The following ARL17A variants were observed in gnomAD, a reference collection of about 807,000 sequenced individuals.
ARL17A encodes the protein ARF like GTPase 17A, also known as ADP-ribosylation factor-like 17-like.
At chr17:46,550,682 T>C (rs1377621684), downstream of ARL17A, 11 of 715,840 alleles carry the variant, frequency 1.5e-5, 1 homozygote, top group African/African-American at 2.2e-4. Context: ...TTTACTGCAG[T>C]GTATATTTCA....
downstream of ARL17A, among the ~76,000 whole-genome samples, chr17:46,528,468 T>G (rs2053103658): frequency 2.2e-5 from 1 of 45,158 alleles, no homozygotes; most frequent in Admixed American, 2.3e-4. Context: ...TGCTGTAATC[T>G]CAGCACTTTG....
At chr17:46,575,087 A>G (rs1003825666) in intron 2 of ARL17A, among the ~76,000 whole-genome samples, 1 of 82,882 alleles carries the variant, frequency 1.2e-5, no homozygotes, top group African/African-American at 3.6e-5. Context: ...ACAGAGCGAG[A>G]CTCTATCTCA....
downstream of ARL17A, among the ~76,000 whole-genome samples, chr17:46,516,372 A>G (rs2051319884): frequency 1.5e-5 from 2 of 135,356 alleles, no homozygotes; most frequent in African/African-American, 2.8e-5. Context: ...ATTAAGTACT[A>G]AAAGATAATG....
At position 46,539,203 on chromosome 17, in the gene ARL17A, T is replaced by TC. The variant is rs1357130263; in HGVS notation, c.260-778dup. Among the ~76,000 whole-genome samples, 9 of 67,286 alleles carry TC rather than the reference T, an allele frequency of 1.3e-4. 1 individual carries two copies. The highest frequency in any genetic ancestry group is 4.3e-4 in the African/African-American group (9 of 20,726). The allele number at this position is 67,286 out of a possible 152,430, so 44.1% of individuals were successfully genotyped here. A position where few individuals can be genotyped will look rare whatever the true frequency, so the allele number is the denominator to read the frequency against. ...TCCAGCCTGGGTGACAGAGTGAGAC[T>TC]CCATCTCAGAAAAAAAAAAAAAAAA... On this transcript the variant is annotated intron_variant, in intron 3 of 4. Coordinates refer to the ARL17A transcript ENST00000329240.
intron 3 of ARL17A, among the ~76,000 whole-genome samples, chr17:46,522,436 C>CT (rs540067163): frequency 0.033 from 3,879 of 118,834 alleles, 1 homozygote; most frequent in Admixed American, 0.054. Context: ...AAATGTGAGA[C>CT]TTGTTTGTTT....
chr17:46,501,269 G>C, the ARL17A span, among the ~76,000 whole-genome samples: 1 of 151,046 alleles, frequency 6.6e-6, no homozygotes, highest in Admixed American at 6.6e-5. Flanking sequence ...TCCGCCTCCC[G>C]GGTTCACGCG....
At chr17:46,539,143 G>A (rs1418873441) in intron 3 of ARL17A, among the ~76,000 whole-genome samples, 3 of 69,958 alleles carry the variant, frequency 4.3e-5, no homozygotes, top group Non-Finnish European at 7.4e-5. Context: ...CCTGGGAGGC[G>A]GAGATTGCAG....
downstream of ARL17A, among the ~76,000 whole-genome samples, chr17:46,527,886 CAG>C: frequency 1.1e-5 from 1 of 88,600 alleles, no homozygotes; most frequent in Non-Finnish European, 2.4e-5. Context: ...AGTTGAAACT[CAG>C]AGACGCTAGG....
intron 2 of ARL17A, among the ~76,000 whole-genome samples, chr17:46,575,390 G>T (rs1226096327): frequency 3.3e-5 from 5 of 151,966 alleles, no homozygotes; most frequent in Non-Finnish European, 7.3e-5. Context: ...GTGAAGAAAA[G>T]AAATCACACT....
downstream of ARL17A, among the ~76,000 whole-genome samples, chr17:46,551,100 C>G (rs549898458): frequency 4.7e-5 from 7 of 150,038 alleles, no homozygotes; most frequent in African/African-American, 1.8e-4. Context: ...GTCTCATACT[C>G]TAGCCCTCCT....
downstream of ARL17A, among the ~76,000 whole-genome samples, chr17:46,525,604 T>A (rs1296315467): frequency 1.7e-5 from 2 of 116,260 alleles, no homozygotes; most frequent in Non-Finnish European, 1.9e-5. Flanking sequence ...AATAATAATA[T>A]AATAATAATA....
At chr17:46,548,025 G>T, downstream of ARL17A, 4 of 69,630 alleles carry the variant, frequency 5.7e-5, no homozygotes, top group Admixed American at 2.7e-4. Flanking sequence ...CTTTGACTGA[G>T]CACTGGGCAA....
intron 3 of ARL17A, among the ~76,000 whole-genome samples, chr17:46,542,323 G>C (rs1323233788): frequency 6.7e-6 from 1 of 148,528 alleles, no homozygotes; most frequent in Non-Finnish European, 1.5e-5. Context: ...ACACATTTAG[G>C]TCTATGATCC....
chr17:46,575,400 T>G (rs1249077244), intron 2 of ARL17A, among the ~76,000 whole-genome samples: 1 of 151,902 alleles, frequency 6.6e-6, no homozygotes, highest in Non-Finnish European at 1.5e-5. Context: ...GAAATCACAC[T>G]CCATCTCTAA....
downstream of ARL17A, among the ~76,000 whole-genome samples, chr17:46,526,584 T>G (rs62073314): frequency 0.28 from 28,497 of 101,528 alleles, 9,935 homozygotes; most frequent in Non-Finnish European, 0.42. Flanking sequence ...GTTCCAATAG[T>G]TACAACCCAG....
At chr17:46,551,150 A>G (rs1362330022), downstream of ARL17A, among the ~76,000 whole-genome samples, 1 of 149,560 alleles carries the variant, frequency 6.7e-6, no homozygotes, top group African/African-American at 2.6e-5. Context: ...CATTTCTTGG[A>G]CACCATGTGA....
At chr17:46,545,525 G>A (rs2056165497) in intron 3 of ARL17A, among the ~76,000 whole-genome samples, 5 of 124,052 alleles carry the variant, frequency 4.0e-5, no homozygotes. Flanking sequence ...TGAAGATCCT[G>A]TTCTCAAATG....
downstream of ARL17A, chr17:46,549,046 A>G (rs1403584645): frequency 6.2e-7 from 1 of 1,612,282 alleles, no homozygotes; most frequent in Admixed American, 1.7e-5. Flanking sequence ...ACATGCCAGA[A>G]AAAAATACCG....
intron 3 of ARL17A, among the ~76,000 whole-genome samples, chr17:46,543,228 CATTT>C (rs1308970021): frequency 6.6e-6 from 1 of 150,566 alleles, no homozygotes; most frequent in African/African-American, 2.5e-5. Context: ...GGAGTTTACA[CATTT>C]ATGTACAAAG....
Sources: gnomAD v4.1 joint callset for allele counts (sites outside exome capture counted in the v4.1 genomes callset) on GRCh38, gnomAD v4.1.1 for gene constraint, MANE v1.5 for transcripts, NCBI Gene and HGNC (gene_info 2026-07-23, HGNC 2026-07-21) for gene names.